Variants in HFM1 observed in about 807,000 individuals in gnomAD.
The protein encoded by HFM1 is helicase for meiosis 1, also known as probable ATP-dependent DNA helicase HFM1.
A neutral mutation model predicts 192.1 loss-of-function variants in HFM1; 169 were observed. That is an observed-to-expected ratio of 0.88 (90% CI 0.78 to 1.00). The LOEUF is 1.00. Ranked by LOEUF, HFM1 falls within the 50% of genes least tolerant of loss-of-function variation. The pLI, the probability that HFM1 is intolerant of heterozygous loss-of-function variation, is 0.00. For synonymous variants in HFM1, 525 were observed against 537.8 expected (o/e 0.98, Z 0.33); for missense variants, 1,661 against 1,668.0 (o/e 1.00, Z 0.07).
chr1:91,293,810 C>T (rs1352993546), intron 30 of HFM1, among the ~76,000 whole-genome samples: 1 of 146,584 alleles, frequency 6.8e-6, no homozygotes, highest in East Asian at 2.0e-4. Context: ...AAATGTCCAA[C>T]AATGATAGAC....
chr1:91,380,910 A>G lies in HFM1; in HGVS notation c.873+2T>C, dbSNP rs1557496663. The G allele has an allele frequency of 2.4e-6, 3 of 1,247,420 alleles. No homozygotes were observed. Among genetic ancestry groups the G allele is most frequent in the Non-Finnish European group, 3.5e-6 (3 of 857,846 alleles). 77.3% of individuals were successfully genotyped at this position (1,247,420 alleles called of 1,614,324 possible). On this transcript the variant is annotated splice_donor_variant, in intron 7 of 38. Transcript: ENST00000370425. LOFTEE classifies it high-confidence loss of function. ...AATAAATAAGTAAAATAAAATACTT[A>G]CATCATCAAAGGCCTTGGACTGTAT... is the stretch of plus-strand genomic sequence containing the variant.
rs777890434 is a variant in HFM1, at chr1:91,316,139, C to T, written c.2944G>A (p.Val982Met). ...PPFGTQIKET[V>M]MYLPKYELKV... is the part of the protein sequence containing the mutation. The stretch of plus-strand genomic sequence containing the variant: ...AGTTCATATTTTGGTAGATACATCA[C>T]AGTTTCTTTTATCTGGGTTCCAAAG... The change falls in exon 27 of 39, where the codon GTG becomes ATG. Residue 982 changes from valine (V) to methionine (M), a missense_variant. By Grantham distance (21) the Val-to-Met change is conservative. Coordinates refer to ENST00000370425, the MANE Select transcript of HFM1 (RefSeq NM_001017975.6). 19 of 1,593,438 alleles carry T rather than the reference C, an allele frequency of 1.2e-5. No individual in the cohort carries two copies. Among genetic ancestry groups the T allele is most frequent in the Middle Eastern group, 3.4e-4 (2 of 5,930 alleles).
At position 91,360,081 on chromosome 1, in the gene HFM1, C is replaced by T. The variant is rs111732602; in HGVS notation, c.1686-6782G>A. Among the ~76,000 whole-genome samples, 1,112 of 152,256 alleles carry T rather than the reference C, an allele frequency of 7.3e-3. 10 individuals carry two copies. The highest frequency in any genetic ancestry group is 9.6e-3 in the Non-Finnish European group (652 of 68,020). ...AGAGACAGCAAATGCTGAGGGAAGT[C>T]GCCAGGCCTGCCTTGCAAGAGTTCC... On this transcript the variant is annotated intron_variant, in intron 13 of 38. Coordinates refer to ENST00000370425, the MANE Select transcript of HFM1 (RefSeq NM_001017975.6).
Position 91,331,242 on chromosome 1 carries a change from A to T in HFM1, c.2336-6476T>A, listed in dbSNP as rs142924972. Among the ~76,000 whole-genome samples the T allele has an allele frequency of 2.1e-3, 327 of 152,368 alleles. 2 individuals carry two copies. Among genetic ancestry groups the T allele is most frequent in the Middle Eastern group, 0.014 (4 of 294 alleles). On this transcript the variant is annotated intron_variant, in intron 20 of 38. Transcript: ENST00000370425. ...TTTGGAAAAACATAAAGAATCCACA[A>T]GAAAACTGTCAGAAATAATAAATTC...
Position 91,379,064 on chromosome 1 carries a change from G to A in HFM1, c.1157C>T (p.Pro386Leu). 1 of 1,540,756 alleles carries A rather than the reference G, an allele frequency of 6.5e-7. No homozygotes were observed. ...IQHAHIIMTTPEKWDSMTRKW... is the reference protein window; with the variant it reads ...IQHAHIIMTTLEKWDSMTRKW... Reference sequence around the variant, plus strand: ...TCATAAAGTATAAATAATACCTACTGGAGTTGTCATAATAATATGGGCATG... The same window carrying A: ...TCATAAAGTATAAATAATACCTACTAGAGTTGTCATAATAATATGGGCATG... The change falls in exon 9 of 39, where the codon CCA (proline) becomes CTA (leucine). Residue 386 changes from proline (P) to leucine (L), a missense_variant and splice_region_variant. Coordinates refer to ENST00000370425, the MANE Select transcript of HFM1 (RefSeq NM_001017975.6).
chr1:91,384,120 T>C (rs1388545230), intron 6 of HFM1, among the ~76,000 whole-genome samples: 1 of 152,232 alleles, frequency 6.6e-6, no homozygotes, highest in African/African-American at 2.4e-5. Context: ...GGAAAGCTTA[T>C]TCTTTCCAAA....
At chr1:91,280,736 ACC>A (rs1335518341) in intron 30 of HFM1, among the ~76,000 whole-genome samples, 2 of 151,880 alleles carry the variant, frequency 1.3e-5, no homozygotes. Flanking sequence ...AAACAAAGCA[ACC>A]CACCACTCAT....
chr1:91,386,566 T>C (rs1263345051), intron 4 of HFM1, among the ~76,000 whole-genome samples: 1 of 152,212 alleles, frequency 6.6e-6, no homozygotes, highest in Non-Finnish European at 1.5e-5. Flanking sequence ...TCATTGTTGT[T>C]TTAAACTACT....
intron 35 of HFM1, 41 bp downstream of exon 35, chr1:91,267,704 G>C: frequency 1.1e-6 from 1 of 901,212 alleles, no homozygotes; most frequent in Non-Finnish European, 1.7e-6. Context: ...AATATTCAAA[G>C]AATTCCTAAT....
In HFM1 at chr1:91,366,932, C is replaced by T. The variant is rs1010800154; in HGVS notation, c.1685+8426G>A. ...CCTAAAACTGCACTTTCCTAATGGT[C>T]TTAGCAAACGGCACACCAGGAGATT... On this transcript the variant is annotated intron_variant, in intron 13 of 38. Transcript: ENST00000370425. Among the ~76,000 whole-genome samples, 5 of 152,204 alleles carry T rather than the reference C, an allele frequency of 3.3e-5. No homozygotes were observed. In the South Asian group the frequency reaches 1.0e-3, roughly 31 times the overall value.
intron 25 of HFM1, among the ~76,000 whole-genome samples, chr1:91,318,066 T>A (rs1461945206): frequency 7.0e-4 from 10 of 14,342 alleles, no homozygotes; most frequent in African/African-American, 2.7e-3. Flanking sequence ...CTTAGCCGAA[T>A]TTCAAAATTT....
intron 30 of HFM1, among the ~76,000 whole-genome samples, chr1:91,291,955 T>C (rs997150047): frequency 2.0e-5 from 3 of 152,132 alleles, no homozygotes; most frequent in Non-Finnish European, 2.9e-5. Flanking sequence ...AAAAACCACA[T>C]GATTATCTCA....
intron 19 of HFM1, among the ~76,000 whole-genome samples, chr1:91,344,543 A>G (rs1405672410): frequency 6.6e-6 from 1 of 152,210 alleles, no homozygotes; most frequent in African/African-American, 2.4e-5. Flanking sequence ...AGTTAACAAG[A>G]TAAGGTTCTT....
intron 30 of HFM1, among the ~76,000 whole-genome samples, chr1:91,297,254 G>C (rs1022730762): frequency 6.6e-6 from 1 of 152,196 alleles, no homozygotes; most frequent in East Asian, 1.9e-4. Context: ...AGGGGCACCC[G>C]CCATTGCCGA....
chr1:91,351,672 G>A, intron 16 of HFM1, 29 bp from the exon 17 acceptor site: 4 of 1,220,272 alleles, frequency 3.3e-6, no homozygotes, highest in Non-Finnish European at 4.8e-6. Flanking sequence ...GAAATTTAGT[G>A]AAGAAGAGCA....
At position 91,341,804 on chromosome 1, in the gene HFM1, T is replaced by C. The variant is rs904864441; in HGVS notation, c.2335+1626A>G. On this transcript the variant is annotated intron_variant, in intron 20 of 38. Coordinates refer to ENST00000370425, the MANE Select transcript of HFM1 (RefSeq NM_001017975.6). The stretch of plus-strand genomic sequence containing the variant: ...CAAAAAAAAAACCCAGAAACTGTTA[T>C]GAACACCTTTATACACACAAACTAG... Among the ~76,000 whole-genome samples, 4 of 149,748 alleles carry C rather than the reference T, an allele frequency of 2.7e-5. No homozygotes were observed. The South Asian group carries it at 8.4e-4, about 31-fold the overall frequency.
chr1:91,401,367 C>G (rs1258170512), intron 1 of HFM1, among the ~76,000 whole-genome samples: 1 of 152,186 alleles, frequency 6.6e-6, no homozygotes, highest in Non-Finnish European at 1.5e-5. Flanking sequence ...CTGCCATTCT[C>G]CAACTGGCAA....
At chr1:91,404,581 C>A (rs999928277) in intron 1 of HFM1, 1 of 260,214 alleles carries the variant, frequency 3.8e-6, no homozygotes, top group South Asian at 3.2e-5. Flanking sequence ...CAGGCCTCAC[C>A]GCTTTCTGAC....
Position 91,323,132 on chromosome 1 carries a change from A to C in HFM1, c.2495T>G (p.Leu832Arg), listed in dbSNP as rs766050562. ...ATTTGGATCTTTGTTCAAAGTATTCAGTGTTTTCTTTTCATTTATCCTTAA... is the reference window on the plus strand; with the variant it reads ...ATTTGGATCTTTGTTCAAAGTATTCCGTGTTTTCTTTTCATTTATCCTTAA... ...IQLRINEKKT[L>R]NTLNKDPNRI... The change falls in exon 22 of 39, where the codon CTG becomes CGG. Residue 832 changes from leucine to arginine, a missense_variant. Leu to Arg is a moderately radical substitution (Grantham distance 102). Transcript: ENST00000370425. The C allele has an allele frequency of 6.3e-7, 1 of 1,592,786 alleles. No homozygotes were observed. Among genetic ancestry groups the C allele is most frequent in the Non-Finnish European group, 8.6e-7 (1 of 1,164,436 alleles).
Sources: gnomAD v4.1 joint callset for allele counts (sites outside exome capture counted in the v4.1 genomes callset) on GRCh38, gnomAD v4.1.1 for gene constraint, MANE v1.5 for transcripts, NCBI Gene and HGNC (gene_info 2026-07-23, HGNC 2026-07-21) for gene names.